The following PHACTR1 variants were observed in gnomAD, a reference collection of about 807,000 sequenced individuals.
The protein encoded by PHACTR1 is RPEL repeat containing 1.
Under a neutral mutation model 69.2 loss-of-function variants are expected in PHACTR1, and 16 were observed. The observed-to-expected ratio is 0.23, with a 90% CI of 0.16 to 0.35. PHACTR1 has a LOEUF of 0.35. Among genes scored for constraint, PHACTR1 ranks in the 10% least tolerant of loss-of-function variants. PHACTR1 has a pLI of 1.00. For missense variants in PHACTR1, 510 were observed against 734.7 expected, an observed-to-expected ratio of 0.69 and a Z score of 3.54; for synonymous variants, 312 against 284.5, an observed-to-expected ratio of 1.10 and a Z score of -0.97.
At chr6:13,046,185 A>C (rs1805001877) in intron 4 of PHACTR1, among the ~76,000 whole-genome samples, 1 of 152,134 alleles carries the variant, frequency 6.6e-6, no homozygotes, top group Non-Finnish European at 1.5e-5. Context: ...TGTGGAATGT[A>C]AGTGGCGTTT....
chr6:13,276,800 AAAAT>A (rs1779015794), intron 11 of PHACTR1, among the ~76,000 whole-genome samples: 1 of 152,130 alleles, frequency 6.6e-6, no homozygotes, highest in Non-Finnish European at 1.5e-5. Flanking sequence ...AAAAATTTAA[AAAAT>A]AAAATAAAGA....
intron 4 of PHACTR1, among the ~76,000 whole-genome samples, chr6:13,048,554 G>GTGTGTGTGTGTGTGTGTGTGTGTGT (rs1561749368): frequency 6.6e-6 from 1 of 151,144 alleles, no homozygotes; most frequent in African/African-American, 2.4e-5. Flanking sequence ...GTGTGTGTGT[G>GTGTGTGTGTGTGTGTGTGTGTGTGT]ATGGAGTTTC....
chr6:13,104,066 A>G (rs758227208), intron 5 of PHACTR1, among the ~76,000 whole-genome samples: 1 of 152,230 alleles, frequency 6.6e-6, no homozygotes, highest in Non-Finnish European at 1.5e-5. Context: ...CCTGGGCAAC[A>G]GAGTTGAGAC....
intron 7 of PHACTR1, among the ~76,000 whole-genome samples, chr6:13,191,243 G>GA (rs879295079): frequency 4.0e-4 from 61 of 151,082 alleles, no homozygotes; most frequent in South Asian, 1.9e-3. Flanking sequence ...CCTTTAAATG[G>GA]AAAAAAAATG....
At chr6:12,992,915 G>T (rs538139156) in intron 4 of PHACTR1, among the ~76,000 whole-genome samples, 1 of 152,294 alleles carries the variant, frequency 6.6e-6, no homozygotes, top group Non-Finnish European at 1.5e-5. Flanking sequence ...TGAAGAAGCT[G>T]GCCTCCCCAC....
chr6:13,011,761 A>G (rs1382894212), intron 4 of PHACTR1, among the ~76,000 whole-genome samples: 1 of 152,252 alleles, frequency 6.6e-6, no homozygotes, highest in Non-Finnish European at 1.5e-5. Flanking sequence ...TTGCTGGTAA[A>G]TACACAACCT....
intron 4 of PHACTR1, among the ~76,000 whole-genome samples, chr6:12,890,432 A>G (rs1268849579): frequency 1.3e-5 from 2 of 152,044 alleles, no homozygotes; most frequent in African/African-American, 4.8e-5. Flanking sequence ...CAAAACCCTG[A>G]AATGGCTTCC....
At chr6:13,188,219 G>T (rs549428710) in intron 7 of PHACTR1, among the ~76,000 whole-genome samples, 1 of 152,172 alleles carries the variant, frequency 6.6e-6, no homozygotes, top group Non-Finnish European at 1.5e-5. Context: ...GGAGAAGTCC[G>T]TGGACTGCAA....
At chr6:12,835,960 G>T (rs1318738479) in intron 4 of PHACTR1, among the ~76,000 whole-genome samples, 2 of 151,478 alleles carry the variant, frequency 1.3e-5, no homozygotes, top group African/African-American at 2.4e-5. Flanking sequence ...AATTTTTTTT[G>T]AAACAAAAAT....
chr6:12,744,217 G>T (rs1479184982), intron 3 of PHACTR1, among the ~76,000 whole-genome samples: 3 of 152,196 alleles, frequency 2.0e-5, no homozygotes, highest in Non-Finnish European at 4.4e-5. Context: ...AGTCAAATTT[G>T]CTTCCTTAAA....
intron 4 of PHACTR1, among the ~76,000 whole-genome samples, chr6:12,784,460 A>G (rs1771255180): frequency 6.6e-6 from 1 of 151,866 alleles, no homozygotes; most frequent in African/African-American, 2.4e-5. Context: ...ACATATACCT[A>G]TACACACATG....
chr6:13,024,774 C>T (rs1164734294), intron 4 of PHACTR1, among the ~76,000 whole-genome samples: 1 of 152,190 alleles, frequency 6.6e-6, no homozygotes, highest in African/African-American at 2.4e-5. Flanking sequence ...TTAATATCTG[C>T]AGCTGAAAAT....
At chr6:13,277,475 G>A (rs934163025) in intron 11 of PHACTR1, among the ~76,000 whole-genome samples, 4 of 152,180 alleles carry the variant, frequency 2.6e-5, no homozygotes, top group African/African-American at 9.7e-5. Flanking sequence ...CCTGCAGCAG[G>A]TTGAGGGCAG....
chr6:12,903,396 C>T (rs1785401117), intron 4 of PHACTR1, among the ~76,000 whole-genome samples: 2 of 152,208 alleles, frequency 1.3e-5, no homozygotes, highest in African/African-American at 2.4e-5. Flanking sequence ...GTATCATGCA[C>T]GTGGTCAGCA....
intron 5 of PHACTR1, among the ~76,000 whole-genome samples, chr6:13,067,908 G>T (rs1369518369): frequency 1.3e-5 from 2 of 152,142 alleles, no homozygotes; most frequent in African/African-American, 4.8e-5. Flanking sequence ...TATGGGAGAG[G>T]TGGTATAGAC....
At chr6:13,133,636 G>C (rs904587938) in intron 5 of PHACTR1, among the ~76,000 whole-genome samples, 2 of 152,076 alleles carry the variant, frequency 1.3e-5, no homozygotes, top group African/African-American at 4.8e-5. Flanking sequence ...GCGTGATCTC[G>C]GCTCGCTACA....
intron 4 of PHACTR1, among the ~76,000 whole-genome samples, chr6:12,772,232 C>T (rs1769480801): frequency 6.6e-6 from 1 of 152,122 alleles, no homozygotes; most frequent in South Asian, 2.1e-4. Flanking sequence ...CAAATGAGAT[C>T]CTGTTTTCTA....
intron 4 of PHACTR1, among the ~76,000 whole-genome samples, chr6:12,752,592 A>G (rs1281852055): frequency 6.6e-6 from 1 of 152,200 alleles, no homozygotes; most frequent in Non-Finnish European, 1.5e-5. Context: ...CAAGGAATAC[A>G]TATACATATA....
At chr6:12,901,669 A>G (rs926460758) in intron 4 of PHACTR1, among the ~76,000 whole-genome samples, 1 of 151,930 alleles carries the variant, frequency 6.6e-6, no homozygotes, top group African/African-American at 2.4e-5. Flanking sequence ...TAATTTTTGT[A>G]TTTTTTGGTA....
Sources: gnomAD v4.1 joint callset for allele counts (sites outside exome capture counted in the v4.1 genomes callset) on GRCh38, gnomAD v4.1.1 for gene constraint, MANE v1.5 for transcripts, NCBI Gene and HGNC (gene_info 2026-07-23, HGNC 2026-07-21) for gene names.